Variants in POLQ observed in about 807,000 individuals in gnomAD.
The protein encoded by POLQ is epididymis secretory sperm binding protein.
POLQ carries 233 observed loss-of-function variants against 259.2 expected under a neutral mutation model. That is an observed-to-expected ratio of 0.90 (90% CI 0.81 to 1.00). The LOEUF is 1.00. Ranked by LOEUF, POLQ falls within the 50% of genes least tolerant of loss-of-function variation. POLQ has a pLI of 0.00. For missense variants in POLQ, 2,871 were observed against 3,051.6 expected (o/e 0.94, Z 1.39); for synonymous variants, 1,025 against 1,048.8 (o/e 0.98, Z 0.44).
Position 121,460,073 on chromosome 3 carries a change from CA to C in POLQ, c.7128del (p.Asp2376GlufsTer3), listed in dbSNP as rs1560089673. On this transcript the variant is annotated frameshift_variant, in exon 25 of 30. Transcript: ENST00000264233. LOFTEE classifies it high-confidence loss of function. ...ACCTGTTTTGCCTGCTGCCTCAGAT[CA>C]TCCCCAACAGACTCTGGCTCAATCA... ...WKMIEPESVG[D>X]DLRQQAKQIC... 1 of 1,613,992 alleles carries C rather than the reference CA, an allele frequency of 6.2e-7. No homozygotes were observed.
intron 26 of POLQ, among the ~76,000 whole-genome samples, chr3:121,444,677 C>T (rs2047618733): frequency 6.6e-6 from 1 of 152,102 alleles, no homozygotes; most frequent in Non-Finnish European, 1.5e-5. Flanking sequence ...TTGTCGTGTT[C>T]CAGGTATTAG....
Position 121,481,642 on chromosome 3 carries a change from A to T in POLQ, c.6141T>A (p.Ser2047=), listed in dbSNP as rs770010569. Residue 2047 remains serine, a synonymous_variant, in exon 19 of 30, where the codon TCT becomes TCA. Coordinates refer to ENST00000264233, the MANE Select transcript of POLQ (RefSeq NM_199420.4). ...GSEHSGRYRA[S]VESILIFNSM... is the part of the protein sequence containing the mutation. Reference sequence around the variant, plus strand: ...AGTTGAAGATGAGAATGGACTCCACAGATGCTCTGTATCGCCCAGAATGCT... The same window carrying T: ...AGTTGAAGATGAGAATGGACTCCACTGATGCTCTGTATCGCCCAGAATGCT... 1 of 1,614,044 alleles carries T rather than the reference A, an allele frequency of 6.2e-7. No individual in the cohort carries two copies. The highest frequency in any genetic ancestry group is 1.7e-5 in the Admixed American group (1 of 60,014).
chr3:121,522,756 G>A (rs2048346530), intron 7 of POLQ, among the ~76,000 whole-genome samples: 1 of 152,262 alleles, frequency 6.6e-6, no homozygotes, highest in East Asian at 1.9e-4. Context: ...CTGTGTAAGG[G>A]TAAGACGAAG....
At chr3:121,450,579 C>A (rs1174902806) in intron 25 of POLQ, among the ~76,000 whole-genome samples, 1 of 143,994 alleles carries the variant, frequency 6.9e-6, no homozygotes, top group Non-Finnish European at 1.5e-5. Context: ...TCCAAGTGTT[C>A]TCATTATTCT....
At chr3:121,509,098 T>C (rs897114979) in intron 12 of POLQ, among the ~76,000 whole-genome samples, 1 of 152,202 alleles carries the variant, frequency 6.6e-6, no homozygotes, top group Admixed American at 6.5e-5. Flanking sequence ...ACTTGTTTTG[T>C]TTTTTATCTT....
chr3:121,501,475 C>T (rs1409644626), intron 12 of POLQ, among the ~76,000 whole-genome samples: 3 of 147,662 alleles, frequency 2.0e-5, no homozygotes, highest in Admixed American at 6.7e-5. Context: ...CCGGCTAAAA[C>T]GGTGAAACCC....
chr3:121,500,429 G>A (rs994707146), intron 12 of POLQ, among the ~76,000 whole-genome samples: 13 of 152,152 alleles, frequency 8.5e-5, no homozygotes, highest in Non-Finnish European at 4.4e-5. Context: ...ACCAAACCTG[G>A]ACCTAAAATG....
Position 121,490,206 on chromosome 3 carries a change from A to G in POLQ, c.2725T>C (p.Cys909Arg). ...NPCALLHSSTCSLTHSESEVK... is the reference protein window; with the variant it reads ...NPCALLHSSTRSLTHSESEVK... ...TCGGACTCACTATGAGTCAATGAGCATGTACTAGAATGTAACAGGGCACAT... is the reference window on the plus strand; with the variant it reads ...TCGGACTCACTATGAGTCAATGAGCGTGTACTAGAATGTAACAGGGCACAT... The change falls in exon 16 of 30, where the codon TGC becomes CGC. Residue 909 changes from cysteine (C) to arginine (R), a missense_variant. Around this residue, in one of 3 missense-constraint regions of POLQ, gnomAD observed 2,080 missense variants for 2,126.0 expected, o/e 0.98. Transcript: ENST00000264233. The G allele has an allele frequency of 1.2e-6, 2 of 1,613,954 alleles. No homozygotes were observed. Among genetic ancestry groups the G allele is most frequent in the Non-Finnish European group, 1.7e-6 (2 of 1,179,844 alleles).
chr3:121,514,454 A>AT (rs2048280431), intron 9 of POLQ, among the ~76,000 whole-genome samples: 1 of 151,952 alleles, frequency 6.6e-6, no homozygotes. Flanking sequence ...ATATAGTAAG[A>AT]TAAACTATCT....
At chr3:121,503,815 G>T (rs761641883) in intron 12 of POLQ, among the ~76,000 whole-genome samples, 1 of 152,164 alleles carries the variant, frequency 6.6e-6, no homozygotes, top group African/African-American at 2.4e-5. Context: ...ATACTGTATT[G>T]TTTAGGGAAT....
rs3772121 is a variant in POLQ, at chr3:121,477,818, A to G, written c.6212-1085T>C. Among the ~76,000 whole-genome samples, 148 of 152,246 alleles carry G rather than the reference A, an allele frequency of 9.7e-4. 3 individuals are homozygous for G. The East Asian group carries it at 0.021, about 22-fold the overall frequency. ...ATTATTTGAGGCACTGCTGGTCTCA[A>G]TCAGCATGAGAAATCTCCAGGGACA... On this transcript the variant is annotated intron_variant, in intron 19 of 29. Coordinates refer to ENST00000264233, the MANE Select transcript of POLQ (RefSeq NM_199420.4).
chr3:121,486,922 A>AG (rs1491414966), intron 16 of POLQ, among the ~76,000 whole-genome samples: 3 of 150,790 alleles, frequency 2.0e-5, no homozygotes, highest in African/African-American at 7.3e-5. Context: ...AGAGAGAGAG[A>AG]AAGAAAAGAA....
At chr3:121,455,914 T>G (rs1441247528) in intron 25 of POLQ, among the ~76,000 whole-genome samples, 12 of 78,116 alleles carry the variant, frequency 1.5e-4, no homozygotes, top group African/African-American at 3.9e-4. Context: ...TACCAAAGCC[T>G]GGCAGAGACA....
At chr3:121,440,482 C>T (rs559665277) in intron 26 of POLQ, among the ~76,000 whole-genome samples, 4 of 152,044 alleles carry the variant, frequency 2.6e-5, no homozygotes, top group African/African-American at 4.8e-5. Flanking sequence ...CTACAGGCAC[C>T]GCGTCACGAT....
intron 5 of POLQ, among the ~76,000 whole-genome samples, chr3:121,535,212 A>G (rs1433447960): frequency 6.6e-6 from 1 of 152,210 alleles, no homozygotes; most frequent in Non-Finnish European, 1.5e-5. Flanking sequence ...AAAATAGACC[A>G]ACACCAACAC....
At position 121,515,959 on chromosome 3, in the gene POLQ, GA is replaced by G. The variant is rs1306190743; in HGVS notation, c.1468+3911del. On this transcript the variant is annotated intron_variant, in intron 9 of 29. Coordinates refer to ENST00000264233, the MANE Select transcript of POLQ (RefSeq NM_199420.4). ...GGAAAACAATATACAAACAAAACAAGAAGTTTGACAAAGAAATAGAAACAAT... is the reference window on the plus strand; with the variant it reads ...GGAAAACAATATACAAACAAAACAAGAGTTTGACAAAGAAATAGAAACAAT... Among the ~76,000 whole-genome samples the G allele has an allele frequency of 2.7e-4, 41 of 151,820 alleles. 2 individuals carry two copies. Among genetic ancestry groups the G allele is most frequent in the Non-Finnish European group, 7.4e-5 (5 of 67,980 alleles).
Position 121,484,907 on chromosome 3 carries a change from C to T in POLQ, c.5773+134G>A, listed in dbSNP as rs974496736. 11 of 726,436 alleles carry T rather than the reference C, an allele frequency of 1.5e-5. No homozygotes were observed. In the Admixed American group the frequency reaches 2.0e-4, roughly 13 times the overall value. The allele number at this position is 726,436 out of a possible 1,614,324, so 45.0% of individuals were successfully genotyped here. ...AAGAGTGACATTCTGTCTCAAAAAACAAACAAAAAAAAATTTAACTCTAAA... is the reference window on the plus strand; with the variant it reads ...AAGAGTGACATTCTGTCTCAAAAAATAAACAAAAAAAAATTTAACTCTAAA... On this transcript the variant is annotated intron_variant, in intron 17 of 29. Coordinates refer to ENST00000264233, the MANE Select transcript of POLQ (RefSeq NM_199420.4).
chr3:121,461,443 G>A (rs2047790435), intron 24 of POLQ, among the ~76,000 whole-genome samples: 1 of 152,098 alleles, frequency 6.6e-6, no homozygotes, highest in South Asian at 2.1e-4. Flanking sequence ...ACGAGGTCAG[G>A]AGATCGAGAC....
intron 25 of POLQ, among the ~76,000 whole-genome samples, chr3:121,458,128 C>G (rs1050982662): frequency 1.3e-5 from 2 of 151,904 alleles, no homozygotes; most frequent in Admixed American, 1.3e-4. Context: ...AGTAAACTAT[C>G]GCAAGAACAA....
Sources: gnomAD v4.1 joint callset for allele counts (sites outside exome capture counted in the v4.1 genomes callset) on GRCh38, gnomAD v4.1.1 for gene constraint, gnomAD v4.1.1 regional missense constraint, MANE v1.5 for transcripts, NCBI Gene and HGNC (gene_info 2026-07-23, HGNC 2026-07-21) for gene names.